Variants in KRABD4 observed in about 807,000 individuals in gnomAD.
KRABD4 encodes KRAB domain containing 4.
At chrX:46,468,904 C>T in the KRABD4 span, among the ~76,000 whole-genome samples, 9 of 111,981 alleles carry the variant, frequency 8.0e-5, no homozygotes, top group Admixed American at 4.8e-4. Context: ...AAATCCAAAA[C>T]TTCTTGAGCA....
the KRABD4 span, among the ~76,000 whole-genome samples, chrX:46,464,375 T>G: frequency 1.8e-4 from 20 of 112,199 alleles, no homozygotes; most frequent in African/African-American, 6.5e-4. Context: ...AGAATGTGCA[T>G]TTCAACAAGC....
the KRABD4 span, chrX:46,474,637 T>TTATG: frequency 9.1e-6 from 1 of 110,476 alleles, no homozygotes; most frequent in Non-Finnish European, 1.9e-5. Context: ...ATAAAATTAT[T>TTATG]TATTTATTTA....
chrX:46,451,173 G>A, the KRABD4 span, among the ~76,000 whole-genome samples: 7 of 111,901 alleles, frequency 6.3e-5, no homozygotes, highest in East Asian at 2.8e-4. Context: ...TTTGATGTGC[G>A]TAGAAAAAGC....
the KRABD4 span, among the ~76,000 whole-genome samples, chrX:46,458,480 CAG>C: frequency 9.0e-6 from 1 of 111,563 alleles, no homozygotes; most frequent in Admixed American, 9.5e-5. Context: ...CTCATAGTAA[CAG>C]AAATATTAGT....
the KRABD4 span, chrX:46,455,332 T>C: frequency 5.2e-3 from 2,731 of 522,425 alleles, 17 homozygotes; most frequent in Non-Finnish European, 5.1e-3. Context: ...ACTGTCAATA[T>C]CTATATCATC....
At chrX:46,450,305 C>A in the KRABD4 span, 1 of 389,936 alleles carries the variant, frequency 2.6e-6, no homozygotes, top group Non-Finnish European at 4.4e-6. Flanking sequence ...TGGAAACAGG[C>A]TGGAGCTACC....
At chrX:46,463,514 C>T in the KRABD4 span, 1 of 469,066 alleles carries the variant, frequency 2.1e-6, no homozygotes, top group Non-Finnish European at 3.8e-6. Flanking sequence ...TAGATTGTGG[C>T]CACTTGTTCT....
chrX:46,458,235 A>G, the KRABD4 span, among the ~76,000 whole-genome samples: 1 of 112,461 alleles, frequency 8.9e-6, no homozygotes, highest in South Asian at 3.6e-4. Flanking sequence ...ATAGTATACC[A>G]TGTATCATAC....
chrX:46,461,473 T>A, the KRABD4 span, among the ~76,000 whole-genome samples: 2 of 111,700 alleles, frequency 1.8e-5, no homozygotes, highest in Non-Finnish European at 3.8e-5. Context: ...CCCCACCCTC[T>A]GGCACGCTGG....
At chrX:46,468,277 A>T in the KRABD4 span, among the ~76,000 whole-genome samples, 1 of 111,541 alleles carries the variant, frequency 9.0e-6, no homozygotes, top group Non-Finnish European at 1.9e-5. Flanking sequence ...CCTCACACCT[A>T]TAATCCCAGC....
At chrX:46,450,329 A>G in the KRABD4 span, 3 of 455,737 alleles carry the variant, frequency 6.6e-6, no homozygotes, top group East Asian at 1.1e-4. Context: ...TCATGTTTTT[A>G]GATCACTCTC....
At chrX:46,449,806 G>A in the KRABD4 span, among the ~76,000 whole-genome samples, 1 of 111,509 alleles carries the variant, frequency 9.0e-6, no homozygotes, top group East Asian at 2.8e-4. Context: ...TCCCTCTGTC[G>A]CCCAGGCTGG....
the KRABD4 span, among the ~76,000 whole-genome samples, chrX:46,461,855 C>T: frequency 1.1e-4 from 12 of 111,540 alleles, no homozygotes; most frequent in Middle Eastern, 4.7e-3. Flanking sequence ...GATTGACTTC[C>T]TCCTTTGTGG....
At chrX:46,455,862 A>G in the KRABD4 span, 1 of 335,355 alleles carries the variant, frequency 3.0e-6, no homozygotes, top group Non-Finnish European at 5.5e-6. Flanking sequence ...GAGTCAAATC[A>G]GATAACATAT....
the KRABD4 span, among the ~76,000 whole-genome samples, chrX:46,450,703 C>T: frequency 2.1e-5 from 2 of 96,976 alleles, no homozygotes; most frequent in Admixed American, 1.3e-4. Context: ...TTTTTTCTTT[C>T]TCTTTTTTTT....
At chrX:46,474,236 T>C in the KRABD4 span, 1 of 112,552 alleles carries the variant, frequency 8.9e-6, no homozygotes, top group African/African-American at 3.2e-5. Flanking sequence ...ACAGTAAGAA[T>C]GAATCTTCTA....
chrX:46,465,415 C>T, the KRABD4 span, among the ~76,000 whole-genome samples: 8 of 112,754 alleles, frequency 7.1e-5, no homozygotes, highest in Non-Finnish European at 1.1e-4. Context: ...GAATTCTGGC[C>T]GCTTCCCTCA....
chrX:46,470,464 T>A, the KRABD4 span, among the ~76,000 whole-genome samples: 2 of 111,386 alleles, frequency 1.8e-5, no homozygotes, highest in African/African-American at 3.3e-5. Flanking sequence ...TTTATGGGAT[T>A]AGTTCTTTTC....
At chrX:46,453,766 A>C in the KRABD4 span, among the ~76,000 whole-genome samples, 3 of 112,259 alleles carry the variant, frequency 2.7e-5, 1 homozygote, top group African/African-American at 9.7e-5. Context: ...TGTTCTTGTA[A>C]CAGAATTATC....
Sources: allele counts gnomAD v4.1 joint callset (sites outside exome capture counted in the v4.1 genomes callset), GRCh38; gene constraint gnomAD v4.1.1; transcripts MANE v1.5; gene names NCBI Gene and HGNC (gene_info 2026-07-23, HGNC 2026-07-21).